Variants in IL2RB observed in about 807,000 individuals in gnomAD.
IL2RB encodes the protein interleukin-2 receptor subunit beta.
IL2RB carries 17 observed loss-of-function variants against 44.2 expected under a neutral mutation model. The observed-to-expected ratio is 0.38, with a 90% CI of 0.26 to 0.58. IL2RB has a LOEUF of 0.58. IL2RB is among the 20% of genes least tolerant of loss of function. The pLI is 0.63. For missense variants in IL2RB, 624 were observed against 685.5 expected, an observed-to-expected ratio of 0.91 and a Z score of 1.00; for synonymous variants, 286 against 297.9, an observed-to-expected ratio of 0.96 and a Z score of 0.41.
rs539530102 is a variant in IL2RB, at chr22:37,147,986, C to A, written c.-34+1839G>T. 2.6e-5 allele frequency among the ~76,000 whole-genome samples: 4 copies of A among 152,350 alleles called. No individual in the cohort carries two copies. The East Asian group carries it at 7.7e-4, about 29-fold the overall frequency. The stretch of plus-strand genomic sequence containing the variant: ...CATCAATGTTTTGTGTGGGTGTCAC[C>A]CCAGGTCGGGCCCAGCCTCAGGATG... On this transcript the variant is annotated intron_variant, in intron 1 of 9. Transcript: ENST00000216223.
At chr22:37,148,734 T>C (rs542678328) in intron 1 of IL2RB, among the ~76,000 whole-genome samples, 1 of 152,044 alleles carries the variant, frequency 6.6e-6, no homozygotes, top group African/African-American at 2.4e-5. Flanking sequence ...TTTTGCCAAA[T>C]GAGGAGACTA....
chr22:37,155,210 T>C (rs1922637359), intron 1 of IL2RB, among the ~76,000 whole-genome samples: 1 of 152,134 alleles, frequency 6.6e-6, no homozygotes, highest in South Asian at 2.1e-4. Flanking sequence ...CTTCAGCCCC[T>C]GCCCTGCTCA....
At chr22:37,138,996 T>G in intron 5 of IL2RB, 121 bp downstream of exon 5, 5 of 638,488 alleles carry the variant, frequency 7.8e-6, no homozygotes, top group East Asian at 2.9e-5. Flanking sequence ...GGCGGTGAGG[T>G]GATCAGATGT....
intron 5 of IL2RB, among the ~76,000 whole-genome samples, chr22:37,138,760 C>T (rs746490308): frequency 8.5e-5 from 13 of 152,144 alleles, no homozygotes; most frequent in Admixed American, 1.3e-4. Flanking sequence ...AGCCTCGAAA[C>T]GTGAGTGGGA....
intron 1 of IL2RB, among the ~76,000 whole-genome samples, chr22:37,148,899 C>T (rs2146252289): frequency 6.6e-6 from 1 of 152,200 alleles, no homozygotes; most frequent in African/African-American, 2.4e-5. Context: ...GTTCATCCAA[C>T]TTGACCTCTG....
chr22:37,135,781 GGTCTTGCT>G (rs1293777388), intron 7 of IL2RB, among the ~76,000 whole-genome samples: 18 of 149,534 alleles, frequency 1.2e-4, no homozygotes, highest in Non-Finnish European at 2.5e-4. Flanking sequence ...GAGGACCCCA[GGTCTTGCT>G]TGGGCTTGAA....
chr22:37,170,253 G>A (rs958829866), intron 1 of IL2RB, among the ~76,000 whole-genome samples: 6 of 152,202 alleles, frequency 3.9e-5, no homozygotes, highest in African/African-American at 1.4e-4. Flanking sequence ...GCAGCTGCAG[G>A]AAGTTTGGTG....
Position 37,128,661 on chromosome 22 carries a change from T to G in IL2RB, c.1091A>C (p.Tyr364Ser). The G allele has an allele frequency of 6.2e-7, 1 of 1,614,158 alleles. No homozygotes were observed. Among genetic ancestry groups the G allele is most frequent in the Non-Finnish European group, 8.5e-7 (1 of 1,179,994 alleles). Reference protein sequence around the residue: ...SLTSCFTNQGYFFFHLPDALE... With the variant: ...SLTSCFTNQGSFFFHLPDALE... ...GGCATCCGGGAGGTGGAAGAAGAAG[T>G]AACCCTGGTTGGTGAAGCAGCTGGT... Residue 364 changes from tyrosine (Y) to serine (S), a missense_variant, in exon 10 of 10, where the codon TAC (tyrosine) becomes TCC (serine). Tyr to Ser is a moderately radical substitution (Grantham distance 144). Around this residue, in one of 3 missense-constraint regions of IL2RB, gnomAD observed 291 missense variants for 275.5 expected, o/e 1.06. Transcript: ENST00000216223. The surrounding 1 kb of genome is among the most constrained non-coding windows in gnomAD (Gnocchi z 4.5).
At chr22:37,135,176 G>A (rs1339357122) in intron 8 of IL2RB, 152 bp downstream of exon 8, 4 of 605,854 alleles carry the variant, frequency 6.6e-6, no homozygotes, top group East Asian at 3.1e-5. Flanking sequence ...CAGGGGGTTC[G>A]GTCCAGAATC....
chr22:37,132,534 G>T, intron 8 of IL2RB, 66 bp from the exon 9 acceptor site: 3 of 1,201,198 alleles, frequency 2.5e-6, no homozygotes, highest in Non-Finnish European at 3.7e-6. Context: ...TATGCCATCG[G>T]CACCACAGCT....
intron 1 of IL2RB, among the ~76,000 whole-genome samples, chr22:37,163,106 C>T (rs1174674810): frequency 6.6e-6 from 1 of 152,170 alleles, no homozygotes; most frequent in Non-Finnish European, 1.5e-5. Context: ...GAGCTACAGA[C>T]CGCAGGAACA....
chr22:37,133,975 G>T (rs987876816), intron 8 of IL2RB, among the ~76,000 whole-genome samples: 5 of 152,044 alleles, frequency 3.3e-5, no homozygotes, highest in African/African-American at 1.2e-4. Context: ...TCCCACTACA[G>T]ATTTCAACAG....
intron 1 of IL2RB, among the ~76,000 whole-genome samples, chr22:37,162,230 TTC>T (rs1417938669): frequency 1.3e-5 from 2 of 152,322 alleles, no homozygotes; most frequent in Middle Eastern, 3.4e-3. Flanking sequence ...CCCCACGGTT[TTC>T]TGTCTGCGGG....
At position 37,169,628 on chromosome 22, in the gene IL2RB, C is replaced by T. The variant is rs1348418518; in HGVS notation, c.-34+5330G>A. ...CATCCAATCCTCTGGCCACACAGAA[C>T]GCAGAATCGCTTGCATGCCTCCCCC... On this transcript the variant is annotated intron_variant, in intron 1 of 5. Coordinates refer to the IL2RB transcript ENST00000429622. Among the ~76,000 whole-genome samples, 10 of 151,686 alleles carry T rather than the reference C, an allele frequency of 6.6e-5. No homozygotes were observed. The East Asian group carries it at 9.6e-4, about 15-fold the overall frequency.
intron 4 of IL2RB, among the ~76,000 whole-genome samples, chr22:37,142,060 A>C (rs1489188935): frequency 1.3e-5 from 2 of 152,096 alleles, no homozygotes. Context: ...TTCACCCCCC[A>C]CACTGCACTG....
At chr22:37,143,940 C>T (rs1171309236) in intron 2 of IL2RB, 145 bp downstream of exon 2, 2 of 995,242 alleles carry the variant, frequency 2.0e-6, no homozygotes, top group South Asian at 1.5e-5. Context: ...TGCATGCATG[C>T]CAGGGCAGGG....
chr22:37,134,972 G>A (rs558815687), intron 8 of IL2RB, among the ~76,000 whole-genome samples: 1 of 152,254 alleles, frequency 6.6e-6, no homozygotes, highest in Admixed American at 6.5e-5. Flanking sequence ...GCTGACATGT[G>A]CACACGGGCA....
At chr22:37,174,966 A>T (rs942245016) in exon 1 of IL2RB, 1 of 152,382 alleles carries the variant, frequency 6.6e-6, no homozygotes, top group African/African-American at 2.4e-5. Context: ...ACGGTTCCAC[A>T]TGGCTGGGGA....
chr22:37,155,869 G>A (rs879680908), intron 1 of IL2RB, among the ~76,000 whole-genome samples: 21 of 152,254 alleles, frequency 1.4e-4, no homozygotes, highest in South Asian at 2.1e-4. Context: ...GGAACAAACC[G>A]CCTCATACCC....
Sources: allele counts gnomAD v4.1 joint callset (sites outside exome capture counted in the v4.1 genomes callset), GRCh38; gene constraint gnomAD v4.1.1; regional missense constraint gnomAD v4.1.1; non-coding constraint Gnocchi (gnomAD v3.1); transcripts MANE v1.5; gene names NCBI Gene and HGNC (gene_info 2026-07-23, HGNC 2026-07-21).